SH3RF3: variants seen among roughly 807,000 people sequenced by gnomAD.
SH3RF3 encodes the protein SH3 domain containing ring finger 3.
In SH3RF3, 29 loss-of-function variants were observed where a neutral mutation model predicts 66.3. The ratio of observed to expected loss-of-function variants is 0.44; its 90% CI spans 0.33 to 0.60. The LOEUF (loss-of-function observed/expected upper bound fraction) is 0.60. Among genes scored for constraint, SH3RF3 ranks in the 20% least tolerant of loss-of-function variants. The pLI is 0.04. For missense variants in SH3RF3, 1,194 were observed against 1,190.9 expected, an observed-to-expected ratio of 1.00 and a Z score of -0.04; for synonymous variants, 583 against 532.0, an observed-to-expected ratio of 1.10 and a Z score of -1.32.
chr2:109,172,020 A>C (rs867163537), intron 1 of SH3RF3, among the ~76,000 whole-genome samples: 5 of 152,242 alleles, frequency 3.3e-5, no homozygotes, highest in Non-Finnish European at 2.9e-5. Context: ...GGCAGGGCCC[A>C]GCACTGTGGG....
rs1217443278 is a variant in SH3RF3, at chr2:109,251,873, T to C, written c.574-95801T>C. ...AAGTACATAATGAGTTTTAAGAGGATGGGTTCCAGGGTTCTAGACTTTGAG... is the reference window on the plus strand; with the variant it reads ...AAGTACATAATGAGTTTTAAGAGGACGGGTTCCAGGGTTCTAGACTTTGAG... On this transcript the variant is annotated intron_variant, in intron 1 of 9. Coordinates refer to ENST00000309415, the MANE Select transcript of SH3RF3 (RefSeq NM_001099289.3). Among the ~76,000 whole-genome samples, 6 of 152,310 alleles carry C rather than the reference T, an allele frequency of 3.9e-5. No homozygotes were observed. In the East Asian group the frequency reaches 1.2e-3, roughly 29 times the overall value.
At chr2:109,213,056 T>A (rs1679027674) in intron 1 of SH3RF3, among the ~76,000 whole-genome samples, 1 of 152,204 alleles carries the variant, frequency 6.6e-6, no homozygotes, top group Non-Finnish European at 1.5e-5. Flanking sequence ...GAGGATGCAG[T>A]CCTGGGAAGG....
chr2:109,477,628 G>A (rs577516520), intron 8 of SH3RF3, among the ~76,000 whole-genome samples: 1,978 of 152,198 alleles, frequency 0.013, 50 homozygotes, highest in African/African-American at 0.046. Flanking sequence ...GTGTGTGTGT[G>A]TGTGTGTGTG....
intron 8 of SH3RF3, among the ~76,000 whole-genome samples, chr2:109,451,947 T>A (rs1211075724): frequency 6.6e-6 from 1 of 152,208 alleles, no homozygotes; most frequent in Non-Finnish European, 1.5e-5. Context: ...CCTCTGAGCT[T>A]ATGTCCAGAG....
At chr2:109,416,265 G>A (rs1229985186) in intron 4 of SH3RF3, among the ~76,000 whole-genome samples, 2 of 152,088 alleles carry the variant, frequency 1.3e-5, no homozygotes, top group Non-Finnish European at 2.9e-5. Flanking sequence ...AGGGGCCTGT[G>A]CACGCTGAAC....
chr2:109,174,008 G>A (rs1354075107), intron 1 of SH3RF3, among the ~76,000 whole-genome samples: 1 of 152,226 alleles, frequency 6.6e-6, no homozygotes. Context: ...AAAGCACTGG[G>A]CTCAGTCCTT....
intron 2 of SH3RF3, 80 bp downstream of exon 2, chr2:109,348,029 T>G (rs1194037207): frequency 5.4e-6 from 8 of 1,491,290 alleles, no homozygotes; most frequent in Non-Finnish European, 7.2e-6. Flanking sequence ...CACAGACCTA[T>G]AGCCAGACAG....
intron 1 of SH3RF3, among the ~76,000 whole-genome samples, chr2:109,337,717 T>C (rs755820192): frequency 9.2e-5 from 14 of 151,850 alleles, no homozygotes; most frequent in Non-Finnish European, 1.5e-4. Flanking sequence ...GTGGTCAAGT[T>C]TGTTTTGCTA....
intron 3 of SH3RF3, among the ~76,000 whole-genome samples, chr2:109,393,002 T>C (rs961714974): frequency 3.9e-5 from 6 of 152,204 alleles, no homozygotes; most frequent in Admixed American, 1.3e-4. Context: ...TCCTGAAGAA[T>C]GACGTGTTTT....
intron 1 of SH3RF3, among the ~76,000 whole-genome samples, chr2:109,166,952 C>T (rs1161907672): frequency 6.6e-6 from 1 of 152,150 alleles, no homozygotes; most frequent in Admixed American, 6.5e-5. Flanking sequence ...ATAAATCTAC[C>T]TTCTTGTAAA....
At chr2:109,252,080 C>A (rs1680106653) in intron 1 of SH3RF3, among the ~76,000 whole-genome samples, 1 of 64,588 alleles carries the variant, frequency 1.5e-5, no homozygotes. Flanking sequence ...GATGCCATCT[C>A]TACAAAAAAT....
intron 1 of SH3RF3, among the ~76,000 whole-genome samples, chr2:109,214,516 G>A (rs1679065248): frequency 6.6e-6 from 1 of 151,896 alleles, no homozygotes; most frequent in Non-Finnish European, 1.5e-5. Context: ...CCAGGCCCTG[G>A]CGTAGAAGAC....
intron 1 of SH3RF3, among the ~76,000 whole-genome samples, chr2:109,231,120 C>T (rs1679503808): frequency 6.6e-6 from 1 of 152,244 alleles, no homozygotes; most frequent in Non-Finnish European, 1.5e-5. Context: ...AGGTGGCTTG[C>T]CTAGCATGGA....
chr2:109,181,749 C>T (rs917387242), intron 1 of SH3RF3, among the ~76,000 whole-genome samples: 2 of 152,184 alleles, frequency 1.3e-5, no homozygotes, highest in African/African-American at 4.8e-5. Flanking sequence ...GTAGTGGATG[C>T]TAGGTTCCAT....
chr2:109,405,371 C>T (rs1438000264), intron 4 of SH3RF3, among the ~76,000 whole-genome samples: 1 of 152,160 alleles, frequency 6.6e-6, no homozygotes, highest in Non-Finnish European at 1.5e-5. Context: ...CACTGACTCC[C>T]TGCCCCTGAG....
At chr2:109,142,054 T>TC (rs1676966726) in intron 1 of SH3RF3, among the ~76,000 whole-genome samples, 1 of 129,976 alleles carries the variant, frequency 7.7e-6, no homozygotes, top group African/African-American at 2.9e-5. Flanking sequence ...GGGGGGGGGG[T>TC]CTCAGGTATG....
At chr2:109,424,316 C>T (rs1192150886) in intron 5 of SH3RF3, among the ~76,000 whole-genome samples, 3 of 152,204 alleles carry the variant, frequency 2.0e-5, no homozygotes, top group African/African-American at 7.2e-5. Flanking sequence ...CCAGTGCAGC[C>T]ACCACAGTGA....
chr2:109,170,287 C>A (rs1215232270), intron 1 of SH3RF3, among the ~76,000 whole-genome samples: 1 of 120,922 alleles, frequency 8.3e-6, no homozygotes. Context: ...CTCTTCTCTT[C>A]TCTTCTCTTC....
At chr2:109,393,996 G>A (rs901491426) in intron 3 of SH3RF3, among the ~76,000 whole-genome samples, 7 of 152,054 alleles carry the variant, frequency 4.6e-5, no homozygotes, top group Non-Finnish European at 7.4e-5. Context: ...CCTCCCCACC[G>A]GAGTCAGGAG....
Sources: gnomAD v4.1 joint callset for allele counts (sites outside exome capture counted in the v4.1 genomes callset) on GRCh38, gnomAD v4.1.1 for gene constraint, MANE v1.5 for transcripts, NCBI Gene and HGNC (gene_info 2026-07-23, HGNC 2026-07-21) for gene names.